The following RPS6KA6 variants were observed in gnomAD, a reference collection of about 807,000 sequenced individuals.
RPS6KA6 encodes ribosomal protein S6 kinase A6, also known as ribosomal protein S6 kinase alpha-6.
In RPS6KA6, 27 loss-of-function variants were observed where a neutral mutation model predicts 65.4. That is an observed-to-expected ratio of 0.41 (90% CI 0.30 to 0.57). RPS6KA6 has a LOEUF of 0.57. Among genes scored for constraint, RPS6KA6 ranks in the 20% least tolerant of loss-of-function variants. RPS6KA6 has a pLI of 0.24. For synonymous variants in RPS6KA6, 190 were observed against 184.2 expected (o/e 1.03, Z -0.26); for missense variants, 486 against 555.6 (o/e 0.87, Z 1.26).
chrX:84,082,440 TAA>T (rs759478099), intron 20 of RPS6KA6, among the ~76,000 whole-genome samples: 1 of 111,446 alleles, frequency 9.0e-6, no homozygotes, highest in Admixed American at 9.5e-5. Flanking sequence ...CTCAAGGAAA[TAA>T]GAGAGGACAC....
intron 15 of RPS6KA6, 45 bp from the exon 16 acceptor site, chrX:84,105,921 T>A (rs2034351792): frequency 5.2e-6 from 4 of 768,859 alleles, no homozygotes; most frequent in Non-Finnish European, 7.8e-6. Context: ...AAACAAATTA[T>A]TTTGTCTAAA....
At position 84,061,643 on chromosome X, in the gene RPS6KA6, G is replaced by A. The variant is rs986789175; in HGVS notation, c.*2634C>T. 9.0e-6 allele frequency: 1 copy of A among 110,729 alleles called. No homozygotes were observed. Among genetic ancestry groups the A allele is most frequent in the African/African-American group, 3.3e-5 (1 of 30,463 alleles). 9.1% of individuals were successfully genotyped at this position (110,729 alleles called of 1,213,427 possible). ...GTTGTTAGTCTATTTGAGCAAACCT[G>A]ATGTTTTCTCTAAGAAAAACAAATT... On this transcript the variant is annotated 3_prime_UTR_variant, in exon 22 of 22. Transcript: ENST00000262752.
chrX:84,068,938 T>C (rs182242022), intron 20 of RPS6KA6, among the ~76,000 whole-genome samples: 1 of 111,713 alleles, frequency 9.0e-6, no homozygotes, highest in East Asian at 2.8e-4. Context: ...GGAAAAACAT[T>C]CCATGCTCAT....
chrX:84,183,535 T>A lies in RPS6KA6; in HGVS notation c.81+4284A>T, dbSNP rs184695462. On this transcript the variant is annotated intron_variant, in intron 1 of 21. Transcript: ENST00000262752. ...CTATTTATGAGATAAAATTGAACCC[T>A]TAAACTGGCTTAAAAAGTCCCATTC... Among the ~76,000 whole-genome samples, 11 of 111,633 alleles carry A rather than the reference T, an allele frequency of 9.9e-5. No individual in the cohort carries two copies. The East Asian group carries it at 3.1e-3, about 32-fold the overall frequency.
At chrX:84,155,995 A>G in intron 3 of RPS6KA6, 80 bp downstream of exon 3, 3 of 531,256 alleles carry the variant, frequency 5.6e-6, no homozygotes, top group Non-Finnish European at 1.0e-5. Context: ...CGACTCATTA[A>G]TCAGATTTCT....
intron 18 of RPS6KA6, among the ~76,000 whole-genome samples, chrX:84,100,670 T>C (rs1262552407): frequency 9.0e-6 from 1 of 110,911 alleles, no homozygotes; most frequent in Non-Finnish European, 1.9e-5. Flanking sequence ...TGTCCTCCTA[T>C]AAAACCACTG....
chrX:84,077,086 G>C (rs962945885), intron 20 of RPS6KA6, among the ~76,000 whole-genome samples: 1 of 111,563 alleles, frequency 9.0e-6, no homozygotes, highest in Non-Finnish European at 1.9e-5. Context: ...ACATTGTTGA[G>C]AGAAAGTAAA....
chrX:84,074,455 A>C (rs1167182219), intron 20 of RPS6KA6, among the ~76,000 whole-genome samples: 1 of 111,587 alleles, frequency 9.0e-6, no homozygotes, highest in African/African-American at 3.3e-5. Context: ...GTTGCAGAGT[A>C]GAGTAAATAT....
intron 21 of RPS6KA6, 90 bp from the exon 22 acceptor site, chrX:84,064,492 C>T: frequency 3.6e-6 from 3 of 843,331 alleles, no homozygotes; most frequent in Non-Finnish European, 3.2e-6. Context: ...AGACATATAT[C>T]TAGAACAAAA....
rs1384715374 is a variant in RPS6KA6 at position 84,064,365 on chromosome X, T to C, written c.2150A>G (p.Lys717Arg). ...MVATYSALTH[K>R]TFQPVLEPVA... ...AGGCTCTAGGACTGGTTGAAAGGTC[T>C]TGTGAGTCAGGGCAGAGTATGTTGC... is the stretch of plus-strand genomic sequence containing the variant. The change falls in exon 22 of 22, where the codon AAG (lysine) becomes AGG (arginine). Residue 717 changes from lysine (K) to arginine (R), a missense_variant. Transcript: ENST00000262752. 5 of 1,205,623 alleles carry C rather than the reference T, an allele frequency of 4.1e-6. No homozygotes were observed. Among genetic ancestry groups the C allele is most frequent in the East Asian group, 5.9e-5 (2 of 33,645 alleles).
At chrX:84,112,186 C>A (rs6622917) in intron 12 of RPS6KA6, among the ~76,000 whole-genome samples, 6,869 of 110,958 alleles carry the variant, frequency 0.062, 229 homozygotes, top group East Asian at 0.2. Flanking sequence ...TCAAAAACAA[C>A]TACTAATAGA....
intron 2 of RPS6KA6, among the ~76,000 whole-genome samples, chrX:84,161,535 G>A (rs559854966): frequency 9.0e-6 from 1 of 111,384 alleles, no homozygotes; most frequent in South Asian, 3.8e-4. Flanking sequence ...GGCTAAATGT[G>A]CATCAGAATA....
At chrX:84,140,733 C>CAA (rs776505772) in intron 6 of RPS6KA6, among the ~76,000 whole-genome samples, 1,338 of 41,558 alleles carry the variant, frequency 0.032, 82 homozygotes, top group Non-Finnish European at 0.04. Context: ...GACTCCATCT[C>CAA]AAAAAAAAAA....
chrX:84,146,460 C>T (rs1228868983), intron 5 of RPS6KA6, among the ~76,000 whole-genome samples: 1 of 111,186 alleles, frequency 9.0e-6, no homozygotes, highest in Non-Finnish European at 1.9e-5. Flanking sequence ...AGCAATGGAG[C>T]CATGATTCAA....
chrX:84,093,298 C>T (rs1445519291), intron 20 of RPS6KA6, among the ~76,000 whole-genome samples: 1 of 111,868 alleles, frequency 8.9e-6, no homozygotes, highest in African/African-American at 3.3e-5. Flanking sequence ...TGTCACAGTT[C>T]TCACAACTAA....
chrX:84,068,289 G>A (rs1264913402), intron 20 of RPS6KA6, among the ~76,000 whole-genome samples: 1 of 111,849 alleles, frequency 8.9e-6, no homozygotes. Flanking sequence ...AATGTAAATG[G>A]GCTAAATGCT....
chrX:84,088,090 T>C (rs1454053867), intron 20 of RPS6KA6, among the ~76,000 whole-genome samples: 1 of 112,075 alleles, frequency 8.9e-6, no homozygotes, highest in African/African-American at 3.2e-5. Flanking sequence ...CTTCTTTGCA[T>C]TGGGTTACAA....
intron 20 of RPS6KA6, among the ~76,000 whole-genome samples, chrX:84,067,808 C>T (rs1602367225): frequency 9.0e-6 from 1 of 111,203 alleles, no homozygotes; most frequent in African/African-American, 3.3e-5. Flanking sequence ...TCCCAGGACA[C>T]ATAATCATCA....
Position 84,097,940 on chromosome X carries a change from G to A in RPS6KA6, c.1777-92C>T. 3 of 593,877 alleles carry A rather than the reference G, an allele frequency of 5.1e-6. No individual in the cohort carries two copies. In the Middle Eastern group the frequency reaches 1.2e-3, roughly 228 times the overall value. The allele number at this position is 593,877 out of a possible 1,213,427, so 48.9% of individuals were successfully genotyped here. On this transcript the variant is annotated intron_variant, in intron 18 of 21. Coordinates refer to ENST00000262752, the MANE Select transcript of RPS6KA6 (RefSeq NM_014496.5). ...TTTTACTTCTAATAATCTCACAAAAGTTCATAATATAAAAACTTCAATCAT... is the reference window on the plus strand; with the variant it reads ...TTTTACTTCTAATAATCTCACAAAAATTCATAATATAAAAACTTCAATCAT...
Sources: gnomAD v4.1 joint callset for allele counts (sites outside exome capture counted in the v4.1 genomes callset) on GRCh38, gnomAD v4.1.1 for gene constraint, MANE v1.5 for transcripts, NCBI Gene and HGNC (gene_info 2026-07-23, HGNC 2026-07-21) for gene names.